Variants in HYAL4 observed in about 807,000 individuals in gnomAD.
HYAL4 encodes hyaluronidase-4.
Under a neutral mutation model 35.2 loss-of-function variants are expected in HYAL4, and 37 were observed. That is an observed-to-expected ratio of 1.05 (90% CI 0.81 to 1.38). The LOEUF (loss-of-function observed/expected upper bound fraction) is 1.38. Among genes scored for constraint, HYAL4 ranks in the 40% most tolerant of loss-of-function variants. HYAL4 has a pLI of 0.00. For synonymous variants in HYAL4, 198 were observed against 203.2 expected (o/e 0.97, Z 0.22); for missense variants, 572 against 572.4 (o/e 1.00, Z 0.01).
chr7:123,782,263 C>T, the HYAL4 span, among the ~76,000 whole-genome samples: 1 of 152,308 alleles, frequency 6.6e-6, no homozygotes, highest in South Asian at 2.1e-4. Flanking sequence ...ATCTTCCTAA[C>T]TGCTAAGTGA....
intron 1 of HYAL4, among the ~76,000 whole-genome samples, chr7:123,830,734 A>G (rs1482586773): frequency 6.6e-6 from 1 of 152,204 alleles, no homozygotes; most frequent in Non-Finnish European, 1.5e-5. Context: ...TATATTGGAG[A>G]CATTCTTTAC....
the HYAL4 span, among the ~76,000 whole-genome samples, chr7:123,764,690 G>C: frequency 6.6e-6 from 1 of 152,100 alleles, no homozygotes; most frequent in Non-Finnish European, 1.5e-5. Context: ...AATAATCTTG[G>C]ATCTCCCAAT....
intron 3 of HYAL4, 84 bp downstream of exon 3, chr7:123,869,311 A>C: frequency 1.1e-6 from 1 of 912,300 alleles, no homozygotes; most frequent in Non-Finnish European, 1.6e-6. Context: ...TCTTTGAAGA[A>C]TTGATTTCAA....
chr7:123,835,029 G>T (rs1805943813), intron 1 of HYAL4, among the ~76,000 whole-genome samples: 1 of 151,938 alleles, frequency 6.6e-6, no homozygotes, highest in African/African-American at 2.4e-5. Flanking sequence ...AGTAATATTG[G>T]TCTGTAGTTT....
chr7:123,817,164 T>TCC, the HYAL4 span, among the ~76,000 whole-genome samples: 1 of 152,130 alleles, frequency 6.6e-6, no homozygotes, highest in Non-Finnish European at 1.5e-5. Flanking sequence ...CCATTGGTCA[T>TCC]CCCCTTTATC....
chr7:123,843,724 C>T (rs1378817009), upstream of HYAL4, among the ~76,000 whole-genome samples: 1 of 151,846 alleles, frequency 6.6e-6, no homozygotes, highest in Non-Finnish European at 1.5e-5. Flanking sequence ...AACCTTGTCT[C>T]CTTGCTTTAT....
chr7:123,831,575 A>G (rs780082270), intron 1 of HYAL4, among the ~76,000 whole-genome samples: 4 of 152,156 alleles, frequency 2.6e-5, no homozygotes, highest in Non-Finnish European at 5.9e-5. Flanking sequence ...ATTTTATTCT[A>G]TTCCATTTCC....
At chr7:123,862,604 A>T (rs1045555266) in intron 2 of HYAL4, among the ~76,000 whole-genome samples, 2 of 152,246 alleles carry the variant, frequency 1.3e-5, no homozygotes, top group African/African-American at 4.8e-5. Flanking sequence ...AATCAAAATG[A>T]AAACAAATTA....
the HYAL4 span, among the ~76,000 whole-genome samples, chr7:123,788,466 G>T: frequency 6.6e-6 from 1 of 152,174 alleles, no homozygotes; most frequent in African/African-American, 2.4e-5. Flanking sequence ...AGGAATATTG[G>T]TTATCAAATA....
chr7:123,874,089 T>C (rs1246006794), intron 3 of HYAL4, among the ~76,000 whole-genome samples: 1 of 152,206 alleles, frequency 6.6e-6, no homozygotes, highest in Non-Finnish European at 1.5e-5. Flanking sequence ...GGAAAACTTT[T>C]GGATTCTGTT....
At chr7:123,855,050 C>A (rs949932734) in intron 2 of HYAL4, among the ~76,000 whole-genome samples, 1 of 150,914 alleles carries the variant, frequency 6.6e-6, no homozygotes, top group Admixed American at 6.6e-5. Flanking sequence ...CAACCCCTGC[C>A]TTTTTTGCTT....
At chr7:123,771,429 A>G in the HYAL4 span, among the ~76,000 whole-genome samples, 1 of 151,954 alleles carries the variant, frequency 6.6e-6, no homozygotes, top group Non-Finnish European at 1.5e-5. Flanking sequence ...TGTGCGTTGG[A>G]TGTTTAGCAA....
the HYAL4 span, among the ~76,000 whole-genome samples, chr7:123,823,023 T>TAACAC: frequency 6.6e-6 from 1 of 152,094 alleles, no homozygotes; most frequent in South Asian, 2.1e-4. Context: ...ATCCTTGTGT[T>TAACAC]ATTTCTGATG....
intron 2 of HYAL4, among the ~76,000 whole-genome samples, chr7:123,857,548 A>G (rs1261405286): frequency 1.3e-5 from 2 of 152,034 alleles, no homozygotes; most frequent in African/African-American, 4.8e-5. Flanking sequence ...TGAGCCAGGT[A>G]CTTCAGTTGG....
chr7:123,841,390 CA>C (rs1185846417), upstream of HYAL4, among the ~76,000 whole-genome samples: 1 of 151,944 alleles, frequency 6.6e-6, no homozygotes, highest in African/African-American at 2.4e-5. Context: ...TTCGGTTTGC[CA>C]GTATTTTATT....
chr7:123,840,750 T>A (rs963642401), upstream of HYAL4, among the ~76,000 whole-genome samples: 3 of 152,006 alleles, frequency 2.0e-5, no homozygotes, highest in Non-Finnish European at 2.9e-5. Flanking sequence ...TTTGTAGCAA[T>A]TGTGAATGGG....
the HYAL4 span, among the ~76,000 whole-genome samples, chr7:123,789,810 A>T: frequency 2.0e-5 from 3 of 152,098 alleles, no homozygotes; most frequent in Non-Finnish European, 4.4e-5. Flanking sequence ...GTACAAACAC[A>T]AATATGTATG....
intron 2 of HYAL4, among the ~76,000 whole-genome samples, chr7:123,856,532 A>C (rs1160299641): frequency 6.6e-6 from 1 of 152,192 alleles, no homozygotes; most frequent in Non-Finnish European, 1.5e-5. Context: ...GCTGCAGAAC[A>C]GCAAAGATTG....
At chr7:123,768,590 C>T in the HYAL4 span, among the ~76,000 whole-genome samples, 1 of 152,202 alleles carries the variant, frequency 6.6e-6, no homozygotes, top group African/African-American at 2.4e-5. Context: ...TCAGTGTACA[C>T]TGTACATCTG....
Sources: gnomAD v4.1 joint callset for allele counts (sites outside exome capture counted in the v4.1 genomes callset) on GRCh38, gnomAD v4.1.1 for gene constraint, MANE v1.5 for transcripts, NCBI Gene and HGNC (gene_info 2026-07-23, HGNC 2026-07-21) for gene names.